Variants in SPON1 observed in about 807,000 individuals in gnomAD.
SPON1 encodes spondin-1.
In SPON1, 52 loss-of-function variants were observed where a neutral mutation model predicts 111.7. The observed-to-expected ratio is 0.47, with a 90% confidence interval of 0.37 to 0.59. SPON1 has a LOEUF of 0.59. Ranked by LOEUF, SPON1 falls within the 20% of genes least tolerant of loss-of-function variation. The pLI, the probability that SPON1 is intolerant of heterozygous loss-of-function variation, is 0.00. For synonymous variants in SPON1, 410 were observed against 395.8 expected (o/e 1.04, Z -0.43); for missense variants, 957 against 1,068.5 (o/e 0.90, Z 1.46).
chr11:14,225,439 T>C (rs1045653968), intron 6 of SPON1, among the ~76,000 whole-genome samples: 1 of 152,150 alleles, frequency 6.6e-6, no homozygotes, highest in Non-Finnish European at 1.5e-5. Context: ...AGTAAGGAAA[T>C]GCTTGATTGA....
At chr11:14,161,301 A>ATC (rs1554931288) in intron 6 of SPON1, among the ~76,000 whole-genome samples, 3 of 104,482 alleles carry the variant, frequency 2.9e-5, no homozygotes, top group Non-Finnish European at 3.9e-5. Flanking sequence ...ATATTTATAT[A>ATC]TATATTTTTT....
In SPON1 at chr11:14,046,694, T is replaced by G. The variant is rs182463736; in HGVS notation, c.479+5040T>G. On this transcript the variant is annotated intron_variant, in intron 3 of 15. Transcript: ENST00000576479. ...TTCTAGTTCAAACTGTTCATGGTCA[T>G]TCAAGCAGATTTCTAATTCCTGACA... 2.6e-3 allele frequency among the ~76,000 whole-genome samples: 403 copies of G among 152,326 alleles called. 1 individual carries two copies. Among genetic ancestry groups the G allele is most frequent in the African/African-American group, 9.3e-3 (386 of 41,580 alleles).
chr11:14,119,118 T>C (rs75599835), intron 5 of SPON1, among the ~76,000 whole-genome samples: 3,315 of 152,232 alleles, frequency 0.022, 120 homozygotes, highest in African/African-American at 0.075. Context: ...CTAACTGCCT[T>C]TTTTCTAATC....
In SPON1 at chr11:14,234,678, G is replaced by A. The variant is rs140367769; in HGVS notation, c.826-8654G>A. 6.0e-4 allele frequency among the ~76,000 whole-genome samples: 92 copies of A among 152,292 alleles called. 1 individual carries two copies. Among genetic ancestry groups the A allele is most frequent in the African/African-American group, 1.8e-3 (73 of 41,570 alleles). On this transcript the variant is annotated intron_variant, in intron 6 of 15. Coordinates refer to ENST00000576479, the MANE Select transcript of SPON1 (RefSeq NM_006108.4). ...GGCGGAGGGGCAGTGGGGCAGGCCC[G>A]GAACAGCTCTGATGGTCCCTTCCTC...
At chr11:14,161,691 A>G (rs1428292247) in intron 6 of SPON1, among the ~76,000 whole-genome samples, 4 of 152,126 alleles carry the variant, frequency 2.6e-5, no homozygotes, top group African/African-American at 9.7e-5. Flanking sequence ...ACTGTTGAAT[A>G]TCTCATATAG....
At chr11:13,969,947 G>A (rs144000613) in intron 1 of SPON1, among the ~76,000 whole-genome samples, 1 of 152,322 alleles carries the variant, frequency 6.6e-6, no homozygotes, top group African/African-American at 2.4e-5. Context: ...GATGGAGTAA[G>A]GGAGCTGAGA....
At chr11:14,063,128 T>A (rs1848804279) in intron 3 of SPON1, among the ~76,000 whole-genome samples, 1 of 152,210 alleles carries the variant, frequency 6.6e-6, no homozygotes, top group Non-Finnish European at 1.5e-5. Flanking sequence ...AACATGGAAA[T>A]GTACATGTTA....
chr11:14,087,234 G>A (rs1454796900), intron 5 of SPON1, among the ~76,000 whole-genome samples: 2 of 152,072 alleles, frequency 1.3e-5, no homozygotes, highest in African/African-American at 2.4e-5. Flanking sequence ...TAATTGTGAT[G>A]TTAGGGTATC....
intron 6 of SPON1, among the ~76,000 whole-genome samples, chr11:14,242,306 G>A (rs2133917910): frequency 6.6e-6 from 1 of 152,330 alleles, no homozygotes; most frequent in Non-Finnish European, 1.5e-5. Flanking sequence ...CTGTAGCCTT[G>A]TCGCTATGAG....
chr11:14,144,919 C>G (rs1215234587), intron 6 of SPON1, among the ~76,000 whole-genome samples: 1 of 152,034 alleles, frequency 6.6e-6, no homozygotes, highest in Non-Finnish European at 1.5e-5. Context: ...GGTGCCCAAC[C>G]TTATTTGGGT....
intron 6 of SPON1, among the ~76,000 whole-genome samples, chr11:14,166,176 G>C (rs1848027576): frequency 6.6e-6 from 1 of 152,156 alleles, no homozygotes. Flanking sequence ...TGCCATTCCA[G>C]TCAAAGCCTT....
intron 2 of SPON1, among the ~76,000 whole-genome samples, chr11:14,002,061 C>A (rs1234485112): frequency 6.6e-6 from 1 of 152,032 alleles, no homozygotes; most frequent in Non-Finnish European, 1.5e-5. Context: ...TCTTTCTTGA[C>A]ATGGGGAAAA....
intron 6 of SPON1, among the ~76,000 whole-genome samples, chr11:14,174,102 A>T (rs996822531): frequency 2.6e-5 from 4 of 152,204 alleles, no homozygotes; most frequent in Admixed American, 1.3e-4. Flanking sequence ...CAGTTCCCCA[A>T]AATTAAGGGT....
intron 6 of SPON1, among the ~76,000 whole-genome samples, chr11:14,183,007 C>A (rs1033281477): frequency 1.3e-5 from 2 of 152,212 alleles, no homozygotes; most frequent in African/African-American, 4.8e-5. Context: ...AGCAGCACAC[C>A]ATGCTTGATC....
chr11:14,224,033 A>G (rs1848710499), intron 6 of SPON1, among the ~76,000 whole-genome samples: 2 of 152,202 alleles, frequency 1.3e-5, no homozygotes, highest in Non-Finnish European at 2.9e-5. Context: ...AAGCAAATCA[A>G]ATTTTGATCA....
At chr11:13,983,217 C>T (rs1462464605) in intron 2 of SPON1, among the ~76,000 whole-genome samples, 10 of 152,232 alleles carry the variant, frequency 6.6e-5, no homozygotes, top group Non-Finnish European at 1.2e-4. Context: ...AGCAGCCAAG[C>T]GTGGGGAGAG....
chr11:14,214,375 TG>T (rs1405528741), intron 6 of SPON1, among the ~76,000 whole-genome samples: 1 of 152,100 alleles, frequency 6.6e-6, no homozygotes, highest in East Asian at 1.9e-4. Context: ...AACATGCCCT[TG>T]CATAGATAGG....
chr11:14,222,590 C>T (rs1312852066), intron 6 of SPON1, among the ~76,000 whole-genome samples: 1 of 152,136 alleles, frequency 6.6e-6, no homozygotes, highest in Non-Finnish European at 1.5e-5. Context: ...GCCCATGAAC[C>T]TGGATGTTCC....
intron 2 of SPON1, among the ~76,000 whole-genome samples, chr11:13,998,107 C>T (rs1554912039): frequency 6.6e-6 from 1 of 152,084 alleles, no homozygotes; most frequent in South Asian, 2.1e-4. Flanking sequence ...ATGTATTAAC[C>T]CCTCTTCAAC....
Sources: allele counts gnomAD v4.1 joint callset (sites outside exome capture counted in the v4.1 genomes callset), GRCh38; gene constraint gnomAD v4.1.1; transcripts MANE v1.5; gene names NCBI Gene and HGNC (gene_info 2026-07-23, HGNC 2026-07-21).